The following WDFY2 variants were observed in gnomAD, a reference collection of about 807,000 sequenced individuals.
The protein encoded by WDFY2 is WD repeat and FYVE domain containing 2, also known as WD repeat and FYVE domain-containing protein 2.
WDFY2 carries 36 observed loss-of-function variants against 56.4 expected under a neutral mutation model. That is an observed-to-expected ratio of 0.64 (90% CI 0.49 to 0.84). WDFY2 has a LOEUF of 0.84. WDFY2 is among the 40% of genes least tolerant of loss of function. WDFY2 has a pLI of 0.00. For synonymous variants in WDFY2, 176 were observed against 183.7 expected (o/e 0.96, Z 0.34); for missense variants, 444 against 512.2 (o/e 0.87, Z 1.29).
At chr13:51,756,992 G>A (rs1953405927) in intron 10 of WDFY2, among the ~76,000 whole-genome samples, 1 of 152,150 alleles carries the variant, frequency 6.6e-6, no homozygotes, top group Non-Finnish European at 1.5e-5. Context: ...GTGGAGGTGT[G>A]GGGGCAAATC....
chr13:51,685,475 G>T (rs1000057081), intron 3 of WDFY2, among the ~76,000 whole-genome samples: 9 of 152,100 alleles, frequency 5.9e-5, no homozygotes, highest in Non-Finnish European at 1.3e-4. Flanking sequence ...GTAAACAGTC[G>T]AGTAACACAT....
intron 1 of WDFY2, among the ~76,000 whole-genome samples, chr13:51,654,010 T>C (rs1162736566): frequency 6.6e-6 from 1 of 151,950 alleles, no homozygotes; most frequent in African/African-American, 2.4e-5. Flanking sequence ...AGAGGTGGAG[T>C]CTACAGAGGC....
chr13:51,608,176 A>G (rs1418072675), intron 1 of WDFY2, among the ~76,000 whole-genome samples: 1 of 152,220 alleles, frequency 6.6e-6, no homozygotes, highest in Admixed American at 6.5e-5. Flanking sequence ...TTAAGCCACA[A>G]ATTTGTAATA....
intron 1 of WDFY2, among the ~76,000 whole-genome samples, chr13:51,636,597 A>G (rs557805329): frequency 1.3e-5 from 2 of 152,344 alleles, no homozygotes; most frequent in South Asian, 2.1e-4. Context: ...TTTAATAAAG[A>G]CAGGATACAG....
chr13:51,688,626 A>G (rs1315945127), intron 3 of WDFY2, among the ~76,000 whole-genome samples: 1 of 152,050 alleles, frequency 6.6e-6, no homozygotes, highest in African/African-American at 2.4e-5. Context: ...AAACTCTAAA[A>G]CTCCACAAAA....
At chr13:51,650,627 C>T (rs1226964509) in intron 1 of WDFY2, among the ~76,000 whole-genome samples, 1 of 152,216 alleles carries the variant, frequency 6.6e-6, no homozygotes, top group East Asian at 1.9e-4. Flanking sequence ...GCATGAAGTG[C>T]TGTTGAATTT....
chr13:51,614,884 A>G (rs1954581674), intron 1 of WDFY2, among the ~76,000 whole-genome samples: 1 of 151,742 alleles, frequency 6.6e-6, no homozygotes, highest in Non-Finnish European at 1.5e-5. Context: ...ATGAACATTT[A>G]TTGAAAATCT....
At chr13:51,660,352 A>G (rs1593951207) in intron 1 of WDFY2, among the ~76,000 whole-genome samples, 1 of 141,584 alleles carries the variant, frequency 7.1e-6, no homozygotes, top group South Asian at 2.2e-4. Context: ...GCACACCACT[A>G]CTCTCAGCTA....
At chr13:51,715,126 T>G (rs1212149066) in intron 4 of WDFY2, among the ~76,000 whole-genome samples, 1 of 152,204 alleles carries the variant, frequency 6.6e-6, no homozygotes, top group Non-Finnish European at 1.5e-5. Context: ...TGAGTGAATG[T>G]GAAGGCCTTG....
rs896939412 is a variant in WDFY2 at position 51,606,594 on chromosome 13, T to G, written c.137+21770T>G. 1.1e-4 allele frequency among the ~76,000 whole-genome samples: 17 copies of G among 152,284 alleles called. No homozygotes were observed. The East Asian group carries it at 1.9e-3, about 17-fold the overall frequency. On this transcript the variant is annotated intron_variant, in intron 1 of 11. Transcript: ENST00000298125. ...TATTAACAAATATATTTTGTTCATATCAATGGAATATGAACAGCAATGTCA... is the reference window on the plus strand; with the variant it reads ...TATTAACAAATATATTTTGTTCATAGCAATGGAATATGAACAGCAATGTCA...
chr13:51,694,006 C>T (rs1716504318), intron 3 of WDFY2, among the ~76,000 whole-genome samples: 1 of 151,680 alleles, frequency 6.6e-6, no homozygotes, highest in African/African-American at 2.4e-5. Context: ...GGATTGCAAC[C>T]CCTGCCTTTT....
intron 1 of WDFY2, among the ~76,000 whole-genome samples, chr13:51,658,457 G>A (rs564187120): frequency 2.6e-5 from 4 of 152,222 alleles, no homozygotes; most frequent in South Asian, 2.1e-4. Flanking sequence ...TCGCTTCCTG[G>A]TACAAGCAGG....
At chr13:51,713,137 T>C (rs1952262654) in intron 4 of WDFY2, among the ~76,000 whole-genome samples, 1 of 152,148 alleles carries the variant, frequency 6.6e-6, no homozygotes, top group African/African-American at 2.4e-5. Flanking sequence ...AGATCAACAT[T>C]ACCTCTTGTC....
At chr13:51,695,452 G>A (rs1166636648) in intron 3 of WDFY2, among the ~76,000 whole-genome samples, 1 of 152,208 alleles carries the variant, frequency 6.6e-6, no homozygotes, top group African/African-American at 2.4e-5. Context: ...GTCCACTCCA[G>A]ACCCTGTTTG....
At chr13:51,628,815 C>A (rs920765053) in intron 1 of WDFY2, among the ~76,000 whole-genome samples, 1 of 152,172 alleles carries the variant, frequency 6.6e-6, no homozygotes, top group Non-Finnish European at 1.5e-5. Context: ...CCTTAGAAAC[C>A]CATTGACCAG....
At chr13:51,756,019 G>A (rs975469651) in intron 9 of WDFY2, among the ~76,000 whole-genome samples, 5 of 151,242 alleles carry the variant, frequency 3.3e-5, no homozygotes, top group Admixed American at 1.3e-4. Flanking sequence ...CAGACACCCC[G>A]CTTTAAGATC....
intron 2 of WDFY2, among the ~76,000 whole-genome samples, chr13:51,665,142 T>C (rs1222440529): frequency 6.6e-6 from 1 of 152,208 alleles, no homozygotes; most frequent in Non-Finnish European, 1.5e-5. Flanking sequence ...CTACTCTCTA[T>C]AGAGAATTTG....
intron 1 of WDFY2, among the ~76,000 whole-genome samples, chr13:51,658,328 A>G (rs1297287626): frequency 6.6e-6 from 1 of 152,256 alleles, no homozygotes; most frequent in Non-Finnish European, 1.5e-5. Flanking sequence ...TTTGAAAGAC[A>G]CTGCTTGGGA....
intron 3 of WDFY2, among the ~76,000 whole-genome samples, chr13:51,693,819 A>G (rs1291195841): frequency 6.6e-6 from 1 of 151,998 alleles, no homozygotes; most frequent in Admixed American, 6.5e-5. Context: ...TGGGAGTCTA[A>G]GTCTCTTTAT....
Sources: allele counts gnomAD v4.1 joint callset (sites outside exome capture counted in the v4.1 genomes callset), GRCh38; gene constraint gnomAD v4.1.1; transcripts MANE v1.5; gene names NCBI Gene and HGNC (gene_info 2026-07-23, HGNC 2026-07-21).